The following PDZRN4 variants were observed in gnomAD, a reference collection of about 807,000 sequenced individuals.
The protein encoded by PDZRN4 is PDZ domain containing ring finger 4.
In PDZRN4, 70 loss-of-function variants were observed where a neutral mutation model predicts 99.0. The observed-to-expected ratio is 0.71, with a 90% confidence interval of 0.58 to 0.86. The LOEUF (loss-of-function observed/expected upper bound fraction) is 0.86, where lower values mean the gene tolerates loss of function less well. PDZRN4 is among the 40% of genes least tolerant of loss of function. The pLI is 0.00. For missense variants in PDZRN4, 1,474 were observed against 1,331.2 expected (o/e 1.11, Z -1.67); for synonymous variants, 551 against 501.6 (o/e 1.10, Z -1.32).
chr12:41,518,225 A>G (rs1463607250), intron 5 of PDZRN4, among the ~76,000 whole-genome samples: 2 of 152,082 alleles, frequency 1.3e-5, no homozygotes, highest in Non-Finnish European at 2.9e-5. Flanking sequence ...TTCACTGTCT[A>G]TTAAATAATC....
intron 3 of PDZRN4, among the ~76,000 whole-genome samples, chr12:41,233,452 G>C (rs1335762583): frequency 6.6e-6 from 1 of 152,106 alleles, no homozygotes; most frequent in Non-Finnish European, 1.5e-5. Flanking sequence ...ATACCCAAAG[G>C]ATTATAAATC....
chr12:41,376,568 A>C (rs926484334), intron 3 of PDZRN4, among the ~76,000 whole-genome samples: 1 of 152,034 alleles, frequency 6.6e-6, no homozygotes, highest in Non-Finnish European at 1.5e-5. Context: ...CTGTTTCTTT[A>C]ATTGGATTAT....
chr12:41,452,438 A>G (rs1460334413), intron 3 of PDZRN4, among the ~76,000 whole-genome samples: 3 of 79,222 alleles, frequency 3.8e-5, no homozygotes, highest in East Asian at 6.5e-4. Flanking sequence ...GCCTCCGTCT[A>G]AAAAAAAAAA....
chr12:41,379,046 T>A (rs1952103048), intron 3 of PDZRN4, among the ~76,000 whole-genome samples: 1 of 152,150 alleles, frequency 6.6e-6, no homozygotes, highest in African/African-American at 2.4e-5. Context: ...CCAATTAAAT[T>A]TCTTTATTCA....
chr12:41,556,887 C>T (rs567677466), intron 7 of PDZRN4, among the ~76,000 whole-genome samples: 7 of 151,794 alleles, frequency 4.6e-5, no homozygotes, highest in Admixed American at 6.6e-5. Context: ...CGGTGGCTCA[C>T]GCCTGTAATC....
At chr12:41,561,190 A>T (rs771282173) in intron 7 of PDZRN4, among the ~76,000 whole-genome samples, 26 of 152,336 alleles carry the variant, frequency 1.7e-4, no homozygotes, top group Non-Finnish European at 3.5e-4. Flanking sequence ...CATATGAGGT[A>T]GATATCTTTT....
chr12:41,519,023 A>T (rs1938449326), intron 5 of PDZRN4, among the ~76,000 whole-genome samples: 1 of 152,072 alleles, frequency 6.6e-6, no homozygotes, highest in Non-Finnish European at 1.5e-5. Flanking sequence ...AACATAGTAA[A>T]TGGGCTTAAC....
At chr12:41,354,670 A>C (rs1420624753) in intron 3 of PDZRN4, among the ~76,000 whole-genome samples, 2 of 152,044 alleles carry the variant, frequency 1.3e-5, no homozygotes, top group African/African-American at 2.4e-5. Flanking sequence ...GAAGTGAGGA[A>C]GGCTATCATA....
intron 3 of PDZRN4, among the ~76,000 whole-genome samples, chr12:41,323,373 A>G (rs1951692155): frequency 6.6e-6 from 1 of 152,152 alleles, no homozygotes; most frequent in Non-Finnish European, 1.5e-5. Context: ...TCATTCTTAC[A>G]TTTACATAAG....
At chr12:41,307,280 G>A (rs1951577351) in intron 3 of PDZRN4, among the ~76,000 whole-genome samples, 1 of 151,700 alleles carries the variant, frequency 6.6e-6, no homozygotes. Context: ...GTGACAGCAT[G>A]GTTGAGTTCT....
intron 3 of PDZRN4, among the ~76,000 whole-genome samples, chr12:41,442,282 A>C (rs1229909869): frequency 6.6e-6 from 1 of 152,112 alleles, no homozygotes; most frequent in Non-Finnish European, 1.5e-5. Flanking sequence ...TACACCTTGT[A>C]ATCATCTCTG....
intron 5 of PDZRN4, among the ~76,000 whole-genome samples, chr12:41,512,124 A>G (rs1938316324): frequency 6.6e-6 from 1 of 152,066 alleles, no homozygotes; most frequent in Non-Finnish European, 1.5e-5. Flanking sequence ...CATGAGCACA[A>G]CCAGGCAATC....
intron 3 of PDZRN4, among the ~76,000 whole-genome samples, chr12:41,215,505 T>G (rs1950914364): frequency 1.3e-5 from 2 of 152,008 alleles, no homozygotes; most frequent in South Asian, 4.1e-4. Context: ...AAGTTTATAA[T>G]AAACAAAAAG....
chr12:41,249,234 T>C (rs536688493), intron 3 of PDZRN4, among the ~76,000 whole-genome samples: 8 of 152,310 alleles, frequency 5.3e-5, no homozygotes, highest in African/African-American at 1.9e-4. Flanking sequence ...CCATTAGTTT[T>C]AATGGCAAAA....
At chr12:41,352,777 A>G (rs374358344) in intron 3 of PDZRN4, among the ~76,000 whole-genome samples, 2 of 152,266 alleles carry the variant, frequency 1.3e-5, no homozygotes, top group Admixed American at 6.5e-5. Flanking sequence ...CTCCCCAAAG[A>G]TATAATGATA....
At chr12:41,263,436 C>A (rs1457839330) in intron 3 of PDZRN4, among the ~76,000 whole-genome samples, 1 of 152,124 alleles carries the variant, frequency 6.6e-6, no homozygotes. Context: ...CCTGTAATCC[C>A]AGCACTTTGG....
intron 3 of PDZRN4, among the ~76,000 whole-genome samples, chr12:41,371,590 A>AC (rs1167640813): frequency 6.6e-6 from 1 of 152,112 alleles, no homozygotes; most frequent in Non-Finnish European, 1.5e-5. Flanking sequence ...CAACAAATAA[A>AC]AGAGTCTGTA....
intron 3 of PDZRN4, among the ~76,000 whole-genome samples, chr12:41,201,029 A>G (rs534012825): frequency 2.6e-4 from 40 of 151,884 alleles, no homozygotes; most frequent in Middle Eastern, 3.4e-3. Context: ...CTTGTTTTCT[A>G]CCCTCAGCAA....
chr12:41,520,053 C>G (rs191922968), intron 5 of PDZRN4, among the ~76,000 whole-genome samples: 72 of 152,184 alleles, frequency 4.7e-4, no homozygotes, highest in African/African-American at 1.7e-3. Flanking sequence ...TGTTTTTGTT[C>G]TTGCTTTCCT....
Sources: allele counts gnomAD v4.1 joint callset (sites outside exome capture counted in the v4.1 genomes callset), GRCh38; gene constraint gnomAD v4.1.1; transcripts MANE v1.5; gene names NCBI Gene and HGNC (gene_info 2026-07-23, HGNC 2026-07-21).